The following KDM4C variants were observed in gnomAD, a reference collection of about 807,000 sequenced individuals.
KDM4C encodes lysine-specific demethylase 4C.
Under a neutral mutation model 129.3 loss-of-function variants are expected in KDM4C, and 81 were observed. The ratio of observed to expected loss-of-function variants is 0.63; its 90% CI spans 0.52 to 0.75. KDM4C has a LOEUF of 0.75. KDM4C is among the 30% of genes least tolerant of loss of function. The probability of loss-of-function intolerance (pLI) is 0.00; values close to 1 mark genes in which losing one functional copy is unlikely to be tolerated. For missense variants in KDM4C, 1,457 were observed against 1,304.0 expected (o/e 1.12, Z -1.81); for synonymous variants, 573 against 456.1 (o/e 1.26, Z -3.26).
In KDM4C at chr9:6,963,447, T is replaced by TAC. The variant is rs374353820; in HGVS notation, c.922-17478_922-17477insAC. 6.6e-3 allele frequency among the ~76,000 whole-genome samples: 1,006 copies of TAC among 152,346 alleles called. 19 individuals are homozygous for TAC. Among genetic ancestry groups the TAC allele is most frequent in the African/African-American group, 0.024 (979 of 41,572 alleles). ...CATTATGAAATAATGATACAACTAA[T>TAC]TATGACCAGTAGTATCGTGCCGCAT... On this transcript the variant is annotated intron_variant, in intron 8 of 21. Transcript: ENST00000381309.
chr9:7,172,760 CTCT>C (rs1845092447), intron 21 of KDM4C, among the ~76,000 whole-genome samples: 1 of 152,124 alleles, frequency 6.6e-6, no homozygotes, highest in African/African-American at 2.4e-5. Context: ...TCTTGTTTTT[CTCT>C]TCTTTACTAT....
intron 5 of KDM4C, among the ~76,000 whole-genome samples, chr9:6,873,333 CTCTA>C (rs1480113421): frequency 2.0e-5 from 3 of 152,154 alleles, no homozygotes; most frequent in African/African-American, 7.2e-5. Flanking sequence ...GCATTGACTC[CTCTA>C]TCTGTGAAAG....
At chr9:6,789,093 G>C (rs923493120) in intron 1 of KDM4C, among the ~76,000 whole-genome samples, 35 of 151,590 alleles carry the variant, frequency 2.3e-4, no homozygotes, top group Non-Finnish European at 3.2e-4. Context: ...ACCCAGGCTG[G>C]AGTGGGAGTG....
At chr9:6,927,087 TTTTCTATCTATC>T (rs1174049746) in intron 8 of KDM4C, among the ~76,000 whole-genome samples, 1 of 121,092 alleles carries the variant, frequency 8.3e-6, no homozygotes, top group African/African-American at 3.0e-5. Flanking sequence ...TCAAAAAAAA[TTTTCTATCTATC>T]TATCTATCTA....
chr9:7,151,083 G>C (rs930637133), intron 19 of KDM4C, among the ~76,000 whole-genome samples: 2 of 152,170 alleles, frequency 1.3e-5, no homozygotes, highest in Admixed American at 1.3e-4. Context: ...GGCTGAAGCA[G>C]GAGGACCTTT....
Position 7,059,705 on chromosome 9 carries a change from GA to G in KDM4C, c.2424+10506del, listed in dbSNP as rs1831349963. On this transcript the variant is annotated intron_variant, in intron 17 of 21. Coordinates refer to ENST00000381309, the MANE Select transcript of KDM4C (RefSeq NM_015061.6). ...TTACAACAGACCAAATGCTAAAGCAGATATGAGACTCTAACTCTCTTTTATT... is the reference window on the plus strand; with the variant it reads ...TTACAACAGACCAAATGCTAAAGCAGTATGAGACTCTAACTCTCTTTTATT... Among the ~76,000 whole-genome samples the G allele has an allele frequency of 2.6e-5, 4 of 152,170 alleles. No individual in the cohort carries two copies. In the South Asian group the frequency reaches 8.3e-4, roughly 32 times the overall value.
At chr9:6,904,330 T>G (rs1817924320) in intron 8 of KDM4C, among the ~76,000 whole-genome samples, 1 of 152,192 alleles carries the variant, frequency 6.6e-6, no homozygotes, top group Non-Finnish European at 1.5e-5. Flanking sequence ...GTAAAACATT[T>G]CTGGGTTATA....
At chr9:6,880,322 C>G (rs1844242657) in intron 6 of KDM4C, among the ~76,000 whole-genome samples, 1 of 151,980 alleles carries the variant, frequency 6.6e-6, no homozygotes, top group Non-Finnish European at 1.5e-5. Flanking sequence ...AGTGATTGCC[C>G]TTAATCTGTT....
At chr9:6,848,760 C>T (rs113618753) in intron 4 of KDM4C, among the ~76,000 whole-genome samples, 2,148 of 152,296 alleles carry the variant, frequency 0.014, 45 homozygotes, top group African/African-American at 0.049. Context: ...AACCTTCCCT[C>T]GCTCTGCCAT....
At chr9:7,095,864 T>C (rs10976036) in intron 17 of KDM4C, among the ~76,000 whole-genome samples, 17,653 of 152,286 alleles carry the variant, frequency 0.12, 1,380 homozygotes, top group Non-Finnish European at 0.16. Context: ...ATAAATGCTT[T>C]ATCCAATGAG....
At chr9:7,097,660 A>T (rs1160647610) in intron 17 of KDM4C, among the ~76,000 whole-genome samples, 1 of 152,088 alleles carries the variant, frequency 6.6e-6, no homozygotes, top group African/African-American at 2.4e-5. Flanking sequence ...TCAGGCTCAC[A>T]TGCTGCCTCG....
At chr9:6,969,447 G>A (rs1289714368) in intron 8 of KDM4C, among the ~76,000 whole-genome samples, 1 of 152,068 alleles carries the variant, frequency 6.6e-6, no homozygotes, top group Non-Finnish European at 1.5e-5. Flanking sequence ...GATATTCCAA[G>A]CATATTAACT....
intron 18 of KDM4C, among the ~76,000 whole-genome samples, chr9:7,122,655 G>A (rs1054141385): frequency 3.9e-5 from 6 of 152,068 alleles, no homozygotes; most frequent in South Asian, 4.1e-4. Flanking sequence ...ATGTGTTATC[G>A]TTCCTAGGAA....
chr9:7,050,212 A>T (rs1829948434), intron 17 of KDM4C, among the ~76,000 whole-genome samples: 1 of 151,946 alleles, frequency 6.6e-6, no homozygotes, highest in Admixed American at 6.6e-5. Flanking sequence ...TTCACTAGGA[A>T]ATATATGGGC....
chr9:6,986,329 C>A lies in KDM4C; in HGVS notation c.1355-15C>A, dbSNP rs1345942429. 1 of 1,570,584 alleles carries A rather than the reference C, an allele frequency of 6.4e-7. No individual in the cohort carries two copies. The highest frequency in any genetic ancestry group is 1.7e-5 in the Admixed American group (1 of 58,240). On this transcript the variant is annotated splice_polypyrimidine_tract_variant and intron_variant, in intron 10 of 21. Transcript: ENST00000381309. Reference sequence around the variant, plus strand: ...CAGTGCATGATTTATTAACAGTCTTCTGTTTTATCCTCAGGAAACAGCTGC... The same window carrying A: ...CAGTGCATGATTTATTAACAGTCTTATGTTTTATCCTCAGGAAACAGCTGC...
At position 7,154,317 on chromosome 9, in the gene KDM4C, G is replaced by A. The variant is rs145140723; in HGVS notation, c.2782-10921G>A. ...TGGCATTTCGCCCCAGGTCACCTAA[G>A]CATTCTCCCCAAGGGGGACTGCCAG... On this transcript the variant is annotated intron_variant, in intron 19 of 21. Transcript: ENST00000381309. 2.0e-3 allele frequency among the ~76,000 whole-genome samples: 312 copies of A among 152,342 alleles called. 3 individuals are homozygous for A. Among genetic ancestry groups the A allele is most frequent in the African/African-American group, 7.2e-3 (299 of 41,578 alleles).
chr9:6,845,674 GA>G (rs1837734391), intron 4 of KDM4C, among the ~76,000 whole-genome samples: 1 of 152,212 alleles, frequency 6.6e-6, no homozygotes, highest in African/African-American at 2.4e-5. Flanking sequence ...ATACGTAAAG[GA>G]ATGGGGCAGG....
intron 17 of KDM4C, among the ~76,000 whole-genome samples, chr9:7,081,142 A>G (rs1834479112): frequency 6.6e-6 from 1 of 152,170 alleles, no homozygotes; most frequent in South Asian, 2.1e-4. Context: ...CCTGTAAGAA[A>G]AGTATGTGGA....
intron 19 of KDM4C, among the ~76,000 whole-genome samples, chr9:7,128,897 C>T (rs1003545040): frequency 6.6e-6 from 1 of 152,090 alleles, no homozygotes; most frequent in Non-Finnish European, 1.5e-5. Context: ...TGAACGTGTG[C>T]CAGGGTAATG....
Sources: allele counts gnomAD v4.1 joint callset (sites outside exome capture counted in the v4.1 genomes callset), GRCh38; gene constraint gnomAD v4.1.1; transcripts MANE v1.5; gene names NCBI Gene and HGNC (gene_info 2026-07-23, HGNC 2026-07-21).